Variants in NFIB observed in about 807,000 individuals in gnomAD.
NFIB encodes the protein nuclear factor I B, also known as nuclear factor 1 B-type.
A neutral mutation model predicts 61.5 loss-of-function variants in NFIB; 11 were observed. The ratio of observed to expected loss-of-function variants is 0.18; its 90% CI spans 0.11 to 0.30. NFIB has a LOEUF of 0.30. Ranked by LOEUF, NFIB falls within the 10% of genes least tolerant of loss-of-function variation. The probability of loss-of-function intolerance (pLI) is 1.00; values close to 1 mark genes in which losing one functional copy is unlikely to be tolerated. For synonymous variants in NFIB, 260 were observed against 216.5 expected, an observed-to-expected ratio of 1.20 and a Z score of -1.76; for missense variants, 471 against 608.9, an observed-to-expected ratio of 0.77 and a Z score of 2.38.
upstream of NFIB, among the ~76,000 whole-genome samples, chr9:14,315,953 G>C (rs2060527778): frequency 6.6e-6 from 1 of 152,028 alleles, no homozygotes; most frequent in African/African-American, 2.4e-5. Context: ...CACGGGTACT[G>C]CTGGGGCGTT....
chr9:14,328,462 AATATAT>A (rs199869097), intron 1 of NFIB, among the ~76,000 whole-genome samples: 3 of 151,242 alleles, frequency 2.0e-5, no homozygotes, highest in Admixed American at 2.0e-4. Context: ...AGCTGCCCTT[AATATAT>A]ATATATATTT....
At chr9:14,501,748 T>C in the NFIB span, among the ~76,000 whole-genome samples, 1 of 152,178 alleles carries the variant, frequency 6.6e-6, no homozygotes, top group Non-Finnish European at 1.5e-5. Flanking sequence ...AATGAGAGCA[T>C]CAGAGGGAAA....
rs574774476 is a variant in NFIB, at chr9:14,292,046, GAATTA to G, written c.562+14938_562+14942del. On this transcript the variant is annotated intron_variant, in intron 2 of 10. Coordinates refer to ENST00000380953, the MANE Select transcript of NFIB (RefSeq NM_001190737.2). ...TATAAAAGAAAAAACCTAGTCTCTT[GAATTA>G]ATTTATCTTAATTACAAATGATAAT... Among the ~76,000 whole-genome samples, 405 of 152,176 alleles carry G rather than the reference GAATTA, an allele frequency of 2.7e-3. 1 individual carries two copies. The highest frequency in any genetic ancestry group is 7.7e-3 in the African/African-American group (318 of 41,540).
chr9:14,390,457 T>C (rs547555065), intron 1 of NFIB, among the ~76,000 whole-genome samples: 2 of 152,222 alleles, frequency 1.3e-5, no homozygotes, highest in African/African-American at 4.8e-5. Context: ...AATATGAGGG[T>C]AAACTAAAAG....
chr9:14,272,622 G>T (rs114595228), intron 2 of NFIB, among the ~76,000 whole-genome samples: 1 of 140,024 alleles, frequency 7.1e-6, no homozygotes, highest in Admixed American at 7.7e-5. Context: ...AAATAACATC[G>T]GCCTGCTCCA....
chr9:14,092,789 C>T (rs1246312976), intron 10 of NFIB, among the ~76,000 whole-genome samples: 2 of 151,920 alleles, frequency 1.3e-5, no homozygotes, highest in Non-Finnish European at 1.5e-5. Flanking sequence ...AGTTCTACAG[C>T]GTGAGGATTA....
rs570667792 is a variant in NFIB, at chr9:14,150,251, C to T, written c.700G>A (p.Gly234Arg). The stretch of plus-strand genomic sequence containing the variant: ...CCAATTGGGAAGTTGACTCCAGTTC[C>T]CTGGGTTATGGGCGCTGAGGAATAA... Reference protein sequence around the residue: ...VRVSRTPITQGTGVNFPIGEI... With the variant: ...VRVSRTPITQRTGVNFPIGEI... Residue 234 changes from glycine to arginine, a missense_variant, in exon 5 of 11, where the codon GGA becomes AGA. This residue lies in a region of NFIB where 372 missense variants were observed against 395.6 expected (regional missense o/e 0.94). Coordinates refer to ENST00000380953, the MANE Select transcript of NFIB (RefSeq NM_001190737.2). 3 of 1,613,380 alleles carry T rather than the reference C, an allele frequency of 1.9e-6. No individual in the cohort carries two copies. The highest frequency in any genetic ancestry group is 1.3e-5 in the African/African-American group (1 of 74,982).
the NFIB span, among the ~76,000 whole-genome samples, chr9:14,496,965 C>CT: frequency 6.6e-6 from 1 of 152,166 alleles, no homozygotes; most frequent in African/African-American, 2.4e-5. Context: ...ATCAGAAAGG[C>CT]TTAGTTCATT....
intron 1 of NFIB, among the ~76,000 whole-genome samples, chr9:14,312,828 A>G (rs2060347192): frequency 6.6e-6 from 1 of 152,194 alleles, no homozygotes; most frequent in Non-Finnish European, 1.5e-5. Context: ...AACAATCACC[A>G]AGACCAACTA....
chr9:14,416,973 A>T, the NFIB span, among the ~76,000 whole-genome samples: 1 of 145,914 alleles, frequency 6.9e-6, no homozygotes, highest in Admixed American at 6.8e-5. Context: ...GCTCACTGCA[A>T]CCTCCGCCTC....
chr9:14,531,028 G>A, the NFIB span, among the ~76,000 whole-genome samples: 1 of 152,274 alleles, frequency 6.6e-6, no homozygotes, highest in African/African-American at 2.4e-5. Flanking sequence ...TTCTTGTCAC[G>A]ACTATTGCAT....
chr9:14,113,770 C>A (rs569048807), intron 9 of NFIB, among the ~76,000 whole-genome samples: 27 of 152,132 alleles, frequency 1.8e-4, no homozygotes, highest in Non-Finnish European at 3.1e-4. Context: ...AGCTGATGCA[C>A]CTTTAAATAG....
intron 1 of NFIB, among the ~76,000 whole-genome samples, chr9:14,343,244 C>G (rs1383407216): frequency 6.6e-6 from 1 of 152,166 alleles, no homozygotes; most frequent in Admixed American, 6.5e-5. Context: ...AGTAACCATG[C>G]TATACTTCTC....
chr9:14,400,668 C>T (rs532765578), upstream of NFIB, among the ~76,000 whole-genome samples: 1 of 152,228 alleles, frequency 6.6e-6, no homozygotes, highest in Admixed American at 6.5e-5. Context: ...GCAAACCAAG[C>T]AGGAGGCCTC....
At chr9:14,254,060 G>A (rs2055946477) in intron 2 of NFIB, among the ~76,000 whole-genome samples, 1 of 152,120 alleles carries the variant, frequency 6.6e-6, no homozygotes, top group Admixed American at 6.5e-5. Flanking sequence ...CCAGCACTTT[G>A]GGAGGCTGAG....
chr9:14,445,182 C>T, the NFIB span, among the ~76,000 whole-genome samples: 2 of 152,120 alleles, frequency 1.3e-5, no homozygotes, highest in African/African-American at 4.8e-5. Flanking sequence ...GTTTGGCAAA[C>T]TTGCCAAACT....
At position 14,334,722 on chromosome 9, in the gene NFIB, A is replaced by C. The variant is rs114367901; in HGVS notation, c.109-27202T>G. Among the ~76,000 whole-genome samples, 978 of 152,274 alleles carry C rather than the reference A, an allele frequency of 6.4e-3. 5 individuals are homozygous for C. Among genetic ancestry groups the C allele is most frequent in the African/African-American group, 0.023 (944 of 41,560 alleles). On this transcript the variant is annotated intron_variant, in intron 1 of 8. Coordinates refer to the NFIB transcript ENST00000380934. The stretch of plus-strand genomic sequence containing the variant: ...GCCATACAATAAACTGCACATGTTT[A>C]AAGCGTACTAATTGATAAGTTTTGA...
intron 2 of NFIB, among the ~76,000 whole-genome samples, chr9:14,296,956 C>A (rs1463708098): frequency 6.6e-6 from 1 of 152,180 alleles, no homozygotes; most frequent in African/African-American, 2.4e-5. Flanking sequence ...AAGATCTAAG[C>A]CCCGCCTTTC....
chr9:14,424,609 G>C, the NFIB span, among the ~76,000 whole-genome samples: 2 of 152,146 alleles, frequency 1.3e-5, no homozygotes, highest in Non-Finnish European at 2.9e-5. Flanking sequence ...CCTCTTTGCA[G>C]ACATTAAGGA....
Sources: gnomAD v4.1 joint callset for allele counts (sites outside exome capture counted in the v4.1 genomes callset) on GRCh38, gnomAD v4.1.1 for gene constraint, gnomAD v4.1.1 regional missense constraint, MANE v1.5 for transcripts, NCBI Gene and HGNC (gene_info 2026-07-23, HGNC 2026-07-21) for gene names.